DSG3: variants seen among roughly 807,000 people sequenced by gnomAD.
DSG3 encodes desmoglein-3.
A neutral mutation model predicts 85.9 loss-of-function variants in DSG3; 63 were observed. The ratio of observed to expected loss-of-function variants is 0.73; its 90% CI spans 0.60 to 0.90. The LOEUF is 0.90. Ranked by LOEUF, DSG3 falls within the 40% of genes least tolerant of loss-of-function variation. The pLI is 0.00. For synonymous variants in DSG3, 447 were observed against 441.9 expected (o/e 1.01, Z -0.14); for missense variants, 1,220 against 1,219.9 (o/e 1.00, Z 0.00).
Position 31,460,932 on chromosome 18 carries a change from G to A in DSG3, c.784G>A (p.Asp262Asn), listed in dbSNP as rs190778464. Reference protein sequence around the residue: ...ECNIKVKDVNDNFPMFRDSQY... With the variant: ...ECNIKVKDVNNNFPMFRDSQY... ...TAATATTAAAGTGAAAGATGTCAAC[G>A]ATAACTTCCCAATGTTTAGAGACTC... is the stretch of plus-strand genomic sequence containing the variant. The change falls in exon 7 of 16, where the codon GAT (aspartate) becomes AAT (asparagine). Residue 262 changes from aspartate to asparagine, a missense_variant. By Grantham distance (23) the Asp-to-Asn change is conservative. Coordinates refer to ENST00000257189, the MANE Select transcript of DSG3 (RefSeq NM_001944.3). 33 of 1,602,558 alleles carry A rather than the reference G, an allele frequency of 2.1e-5. No individual in the cohort carries two copies. The highest frequency in any genetic ancestry group is 2.4e-5 in the Non-Finnish European group (28 of 1,176,818).
chr18:31,451,725 T>C (rs1598773476), intron 1 of DSG3, among the ~76,000 whole-genome samples: 1 of 152,340 alleles, frequency 6.6e-6, no homozygotes, highest in East Asian at 1.9e-4. Context: ...CCCTGCCTAC[T>C]TGGGCAGAAG....
intron 13 of DSG3, 115 bp from the exon 14 acceptor site, chr18:31,472,610 A>G: frequency 1.5e-6 from 2 of 1,301,468 alleles, no homozygotes. Context: ...TCGCTGAAAG[A>G]ATTTGCACTT....
At chr18:31,475,501 A>G in intron 15 of DSG3, 145 bp from the exon 16 acceptor site, 1 of 1,021,004 alleles carries the variant, frequency 9.8e-7, no homozygotes, top group Non-Finnish European at 1.4e-6. Context: ...TGTTTTGAAC[A>G]AGATTGTTAA....
rs2072902633 is a variant in DSG3 at position 31,478,450 on chromosome 18, A to C, written c.*2190A>C. On this transcript the variant is annotated 3_prime_UTR_variant, in exon 16 of 16. Coordinates refer to ENST00000257189, the MANE Select transcript of DSG3 (RefSeq NM_001944.3). ...AGTGGAAACCATGCTATAGTAATAA[A>C]GGTTATATAAGAGAGAAATTGAAAT... The C allele has an allele frequency of 6.6e-6, 1 of 152,186 alleles. No homozygotes were observed. Among genetic ancestry groups the C allele is most frequent in the African/African-American group, 2.4e-5 (1 of 41,440 alleles). 9.4% of individuals were successfully genotyped at this position (152,186 alleles called of 1,614,324 possible). A position where few individuals can be genotyped will look rare whatever the true frequency, so the allele number is the denominator to read the frequency against.
intron 1 of DSG3, among the ~76,000 whole-genome samples, chr18:31,449,031 G>T (rs1382313008): frequency 3.3e-5 from 5 of 152,182 alleles, no homozygotes; most frequent in African/African-American, 1.2e-4. Flanking sequence ...GAGTAGCTGA[G>T]ATTACAGGCG....
chr18:31,458,997 G>A (rs978046770), intron 4 of DSG3, 36 bp from the exon 5 acceptor site: 3 of 1,603,426 alleles, frequency 1.9e-6, no homozygotes, highest in African/African-American at 1.3e-5. Flanking sequence ...AAAACTGATT[G>A]CAGAGTAATA....
intron 11 of DSG3, among the ~76,000 whole-genome samples, chr18:31,468,752 T>C (rs1034023397): frequency 1.3e-5 from 2 of 152,152 alleles, no homozygotes; most frequent in Admixed American, 1.3e-4. Flanking sequence ...TAAGAGGAAA[T>C]GAGGTCATGA....
intron 4 of DSG3, 54 bp downstream of exon 4, chr18:31,458,654 T>C: frequency 5.8e-6 from 9 of 1,559,374 alleles, no homozygotes; most frequent in Non-Finnish European, 7.8e-6. Flanking sequence ...ACCATCGCTT[T>C]AGAAAGTGAC....
intron 10 of DSG3, 62 bp downstream of exon 10, chr18:31,465,519 T>C: frequency 7.8e-7 from 1 of 1,281,420 alleles, no homozygotes; most frequent in Non-Finnish European, 1.0e-6. Context: ...TCTTTATGCA[T>C]AGATGATTAT....
At chr18:31,463,978 T>C in intron 8 of DSG3, 133 bp from the exon 9 acceptor site, 2 of 852,406 alleles carry the variant, frequency 2.3e-6, no homozygotes, top group Non-Finnish European at 3.6e-6. Context: ...TTACAATAAT[T>C]TCTGAAGCTG....
At position 31,472,752 on chromosome 18, in the gene DSG3, G is replaced by GT; in HGVS notation, c.2066dup (p.Thr690AsnfsTer12). The GT allele has an allele frequency of 9.3e-6, 15 of 1,613,988 alleles. No homozygotes were observed. The highest frequency in any genetic ancestry group is 1.3e-5 in the Non-Finnish European group (15 of 1,179,950). On this transcript the variant is annotated frameshift_variant, in exon 14 of 16. Transcript: ENST00000257189. LOFTEE classifies it high-confidence loss of function. Reference sequence around the variant, plus strand: ...AATCACAAATATTTGTGTGCCTCCTGTAACAGCCAATGGAGCCGATTTCAT... The same window carrying GT: ...AATCACAAATATTTGTGTGCCTCCTGTTAACAGCCAATGGAGCCGATTTCAT...
chr18:31,476,258 T>C lies in DSG3; in HGVS notation c.2998T>C (p.Ter1000ArgextTer3). Residue 1000 changes from the stop codon to arginine, a stop_lost, in exon 16 of 16, where the codon TGA (stop) becomes CGA (arginine). Transcript: ENST00000257189. ...CTEDPCSRLI[*>R] ...AGAGGATCCTTGCTCCCGTCTAATA[T>C]GACCAGAATGAGCTGGAATACCACA... The C allele has an allele frequency of 6.2e-7, 1 of 1,601,874 alleles. No homozygotes were observed. The highest frequency in any genetic ancestry group is 1.1e-5 in the South Asian group (1 of 89,106).
In DSG3 at chr18:31,466,521, T is replaced by C. The variant is rs752911255; in HGVS notation, c.1412-9T>C. Reference sequence around the variant, plus strand: ...ACATTTCTTTAACTCTAAAACATTGTTCTTACAGAATACACGGGTAAAACT... The same window carrying C: ...ACATTTCTTTAACTCTAAAACATTGCTCTTACAGAATACACGGGTAAAACT... On this transcript the variant is annotated splice_polypyrimidine_tract_variant and intron_variant, in intron 10 of 15. Coordinates refer to ENST00000257189, the MANE Select transcript of DSG3 (RefSeq NM_001944.3). The C allele has an allele frequency of 6.2e-7, 1 of 1,611,876 alleles. No individual in the cohort carries two copies. The highest frequency in any genetic ancestry group is 2.2e-5 in the East Asian group (1 of 44,864).
chr18:31,459,042 C>A lies in DSG3; in HGVS notation c.382C>A (p.Arg128=). 2 of 1,613,278 alleles carry A rather than the reference C, an allele frequency of 1.2e-6. No homozygotes were observed. Among genetic ancestry groups the A allele is most frequent in the South Asian group, 1.1e-5 (1 of 90,784 alleles). The change falls in exon 5 of 16, where the codon CGG becomes AGG. Residue 128 remains arginine (R), a synonymous_variant. Coordinates refer to ENST00000257189, the MANE Select transcript of DSG3 (RefSeq NM_001944.3). ...TTCCCTCTGTTCCTAGATCACATGT[C>A]GGGCTCTAAATGCCCAAGGACTAGA... The part of the protein sequence containing the change: ...EETPSFLITC[R]ALNAQGLDVE...
In DSG3 at chr18:31,475,461, C is replaced by T. The variant is rs114025747; in HGVS notation, c.2386-185C>T. Reference sequence around the variant, plus strand: ...TTCTAGCTCAATTTTGAGGTAATGTCAACCATACTGTTGTCCAAACACCAG... The same window carrying T: ...TTCTAGCTCAATTTTGAGGTAATGTTAACCATACTGTTGTCCAAACACCAG... On this transcript the variant is annotated intron_variant, in intron 15 of 15. Transcript: ENST00000257189. Among the ~76,000 whole-genome samples the T allele has an allele frequency of 2.3e-3, 356 of 152,268 alleles. 3 individuals are homozygous for T. The highest frequency in any genetic ancestry group is 8.4e-3 in the African/African-American group (348 of 41,548).
chr18:31,448,912 T>G (rs1186845372), intron 1 of DSG3, among the ~76,000 whole-genome samples: 1 of 152,138 alleles, frequency 6.6e-6, no homozygotes, highest in East Asian at 1.9e-4. Context: ...TTTGTTTTTG[T>G]TTTTGTTTTT....
At chr18:31,451,774 C>T (rs57787597) in intron 1 of DSG3, among the ~76,000 whole-genome samples, 1,961 of 152,326 alleles carry the variant, frequency 0.013, 54 homozygotes, top group African/African-American at 0.044. Flanking sequence ...TTAGCACTCC[C>T]TCTTGCTTCA....
At chr18:31,469,056 C>A in intron 11 of DSG3, 33 bp from the exon 12 acceptor site, 1 of 1,607,306 alleles carries the variant, frequency 6.2e-7, no homozygotes, top group South Asian at 1.1e-5. Flanking sequence ...ACACTTCGTC[C>A]TACTGTTGAT....
chr18:31,454,759 C>G (rs766819576), intron 1 of DSG3, among the ~76,000 whole-genome samples: 3 of 151,162 alleles, frequency 2.0e-5, no homozygotes, highest in Non-Finnish European at 4.4e-5. Context: ...CTTTGGGAGG[C>G]CAAGGCGGGT....
Sources: allele counts gnomAD v4.1 joint callset (sites outside exome capture counted in the v4.1 genomes callset), GRCh38; gene constraint gnomAD v4.1.1; transcripts MANE v1.5; gene names NCBI Gene and HGNC (gene_info 2026-07-23, HGNC 2026-07-21).